The following METTL16 variants were observed in gnomAD, a reference collection of about 807,000 sequenced individuals.
METTL16 encodes RNA N(6)-adenosine-methyltransferase METTL16.
A neutral mutation model predicts 57.9 loss-of-function variants in METTL16; 19 were observed. The ratio of observed to expected loss-of-function variants is 0.33; its 90% CI spans 0.23 to 0.48. The LOEUF (loss-of-function observed/expected upper bound fraction) is 0.48. Ranked by LOEUF, METTL16 falls within the 20% of genes least tolerant of loss-of-function variation. The pLI is 0.99. For missense variants in METTL16, 434 were observed against 691.5 expected, an observed-to-expected ratio of 0.63 and a Z score of 4.18; for synonymous variants, 246 against 255.6, an observed-to-expected ratio of 0.96 and a Z score of 0.36.
chr17:2,440,694 G>A (rs1484101438), intron 7 of METTL16, among the ~76,000 whole-genome samples: 1 of 151,942 alleles, frequency 6.6e-6, no homozygotes, highest in Non-Finnish European at 1.5e-5. Flanking sequence ...CATTAGGTGG[G>A]GTGCAATGGT....
At chr17:2,467,269 T>G (rs2067205600) in intron 5 of METTL16, among the ~76,000 whole-genome samples, 1 of 152,166 alleles carries the variant, frequency 6.6e-6, no homozygotes, top group South Asian at 2.1e-4. Context: ...CCTCAGCTAC[T>G]AGGGGAGCTG....
intron 3 of METTL16, chr17:2,477,428 A>T: frequency 5.0e-6 from 2 of 401,556 alleles, no homozygotes; most frequent in Non-Finnish European, 9.1e-6. Flanking sequence ...AAATATGTGC[A>T]CTATATTTAC....
chr17:2,440,970 C>CAAAAAAAAAAAAAAAAAAAAAAAAA (rs760521188), intron 7 of METTL16, among the ~76,000 whole-genome samples: 4 of 34,046 alleles, frequency 1.2e-4, no homozygotes, highest in East Asian at 1.9e-3. Context: ...GACTTGATCT[C>CAAAAAAAAAAAAAAAAAAAAAAAAA]AAAAAAAAAA....
rs528173876 is a variant in METTL16 at position 2,442,939 on chromosome 17, C to T, written c.729-1380G>A. 1.3e-4 allele frequency among the ~76,000 whole-genome samples: 20 copies of T among 151,932 alleles called. No homozygotes were observed. In the East Asian group the frequency reaches 1.6e-3, roughly 12 times the overall value. ...GCCTTCCGGGTTGAGGTAATTCTCC[C>T]GCCTCAGCCTCGCAAGTAGCTGGGA... On this transcript the variant is annotated intron_variant, in intron 6 of 9. Coordinates refer to ENST00000263092, the MANE Select transcript of METTL16 (RefSeq NM_024086.4).
chr17:2,499,088 T>G (rs1333726080), intron 2 of METTL16, among the ~76,000 whole-genome samples: 1 of 151,584 alleles, frequency 6.6e-6, no homozygotes, highest in African/African-American at 2.4e-5. Context: ...CGGTCTCCTT[T>G]TCATGTGATC....
At chr17:2,439,850 G>C (rs1158260131) in intron 7 of METTL16, among the ~76,000 whole-genome samples, 1 of 152,000 alleles carries the variant, frequency 6.6e-6, no homozygotes, top group Non-Finnish European at 1.5e-5. Context: ...AACATATTTA[G>C]AGTTTTAGAG....
chr17:2,487,989 A>C (rs1489851806), intron 2 of METTL16, among the ~76,000 whole-genome samples: 1 of 152,070 alleles, frequency 6.6e-6, no homozygotes, highest in East Asian at 1.9e-4. Context: ...CAGGCAACAG[A>C]GCAAGACCCA....
intron 2 of METTL16, among the ~76,000 whole-genome samples, chr17:2,494,807 G>C (rs1466679620): frequency 1.3e-5 from 2 of 151,886 alleles, no homozygotes; most frequent in South Asian, 2.1e-4. Context: ...AGACCATCCT[G>C]GCCAACATGG....
At chr17:2,471,166 G>C (rs1425431912) in intron 4 of METTL16, among the ~76,000 whole-genome samples, 1 of 152,136 alleles carries the variant, frequency 6.6e-6, no homozygotes, top group Non-Finnish European at 1.5e-5. Context: ...AATGTAAAAT[G>C]CAAGACTATA....
At chr17:2,492,092 T>C (rs1379684891) in intron 2 of METTL16, among the ~76,000 whole-genome samples, 1 of 150,662 alleles carries the variant, frequency 6.6e-6, no homozygotes, top group Non-Finnish European at 1.5e-5. Context: ...GTGCCTGTAG[T>C]CCCAGCTACT....
intron 6 of METTL16, among the ~76,000 whole-genome samples, chr17:2,461,202 A>G (rs1358402504): frequency 6.6e-6 from 1 of 152,114 alleles, no homozygotes; most frequent in East Asian, 1.9e-4. Flanking sequence ...AAAAAAATAC[A>G]AAAACTTAGC....
intron 2 of METTL16, among the ~76,000 whole-genome samples, chr17:2,480,903 T>C (rs1202169564): frequency 1.3e-5 from 2 of 152,264 alleles, no homozygotes; most frequent in East Asian, 3.9e-4. Context: ...TAAAAGTTTG[T>C]TGAAAAACAG....
chr17:2,492,275 T>C (rs1314196573), intron 2 of METTL16, among the ~76,000 whole-genome samples: 4 of 152,164 alleles, frequency 2.6e-5, no homozygotes, highest in Admixed American at 2.6e-4. Context: ...CAAGCTGAAC[T>C]GACAGTGCTG....
At chr17:2,429,981 T>C (rs972836784) in intron 8 of METTL16, among the ~76,000 whole-genome samples, 1 of 150,512 alleles carries the variant, frequency 6.6e-6, no homozygotes, top group South Asian at 2.1e-4. Flanking sequence ...CGGCTAATTT[T>C]TTTCTATTTT....
chr17:2,472,147 A>C (rs1349571120), intron 4 of METTL16, among the ~76,000 whole-genome samples: 3 of 152,054 alleles, frequency 2.0e-5, no homozygotes, highest in African/African-American at 7.2e-5. Context: ...GCCTGAACAG[A>C]CATCTCACCA....
intron 6 of METTL16, among the ~76,000 whole-genome samples, chr17:2,446,886 A>G (rs2067000894): frequency 6.6e-6 from 1 of 151,896 alleles, no homozygotes; most frequent in Non-Finnish European, 1.5e-5. Flanking sequence ...CTCAGTGCTC[A>G]GTGGTGCCCA....
intron 8 of METTL16, among the ~76,000 whole-genome samples, chr17:2,423,259 AGGGTGT>A (rs760466546): frequency 1.1e-5 from 1 of 87,088 alleles, no homozygotes; most frequent in East Asian, 5.1e-4. Context: ...TAAAAAACAA[AGGGTGT>A]GTGTGTGTGT....
At chr17:2,453,290 C>T (rs1028918294) in intron 6 of METTL16, among the ~76,000 whole-genome samples, 11 of 152,208 alleles carry the variant, frequency 7.2e-5, no homozygotes, top group African/African-American at 2.2e-4. Context: ...ATATTCTCCC[C>T]GATACAAGGC....
At chr17:2,500,573 C>T (rs111788978) in intron 2 of METTL16, among the ~76,000 whole-genome samples, 4,089 of 152,116 alleles carry the variant, frequency 0.027, 96 homozygotes, top group African/African-American at 0.067. Flanking sequence ...TGAGCCACCG[C>T]GCCCGGCCAC....
Sources: allele counts gnomAD v4.1 joint callset (sites outside exome capture counted in the v4.1 genomes callset), GRCh38; gene constraint gnomAD v4.1.1; transcripts MANE v1.5; gene names NCBI Gene and HGNC (gene_info 2026-07-23, HGNC 2026-07-21).